ATG5: variants seen among roughly 807,000 people sequenced by gnomAD.
ATG5 encodes the protein autophagy related 5, also known as autophagy protein 5.
Under a neutral mutation model 36.5 loss-of-function variants are expected in ATG5, and 14 were observed. The observed-to-expected ratio is 0.38, with a 90% CI of 0.25 to 0.60. ATG5 has a LOEUF of 0.60. Ranked by LOEUF, ATG5 falls within the 20% of genes least tolerant of loss-of-function variation. The pLI, the probability that ATG5 is intolerant of heterozygous loss-of-function variation, is 0.60. For synonymous variants in ATG5, 95 were observed against 101.5 expected (o/e 0.94, Z 0.38); for missense variants, 195 against 326.7 (o/e 0.60, Z 3.11).
Position 106,272,235 on chromosome 6 carries a change from C to T in ATG5, c.478+7426G>A, listed in dbSNP as rs544170093. Among the ~76,000 whole-genome samples the T allele has an allele frequency of 6.6e-5, 10 of 152,292 alleles. No homozygotes were observed. The East Asian group carries it at 1.9e-3, about 29-fold the overall frequency. ...ATTTGCTTCTTTCTAATTCATTAAC[C>T]ATACTGCAGCCAAAGGGATGTCTTA... On this transcript the variant is annotated intron_variant, in intron 5 of 7. Coordinates refer to ENST00000369076, the MANE Select transcript of ATG5 (RefSeq NM_004849.4).
intron 7 of ATG5, among the ~76,000 whole-genome samples, chr6:106,193,080 C>T (rs986579111): frequency 1.3e-5 from 2 of 152,180 alleles, no homozygotes; most frequent in Non-Finnish European, 2.9e-5. Context: ...GACAGAAATG[C>T]TTCCTGGGGA....
chr6:106,215,745 G>T (rs1208059377), intron 6 of ATG5, among the ~76,000 whole-genome samples: 1 of 151,944 alleles, frequency 6.6e-6, no homozygotes, highest in South Asian at 2.1e-4. Context: ...AGCAACCAAA[G>T]AAAAAAACAG....
At chr6:106,229,559 T>TAA (rs199498497) in intron 6 of ATG5, among the ~76,000 whole-genome samples, 3 of 149,138 alleles carry the variant, frequency 2.0e-5, no homozygotes, top group East Asian at 2.0e-4. Flanking sequence ...ATAGAAATAG[T>TAA]AAAAAAAAAC....
At chr6:106,304,994 G>A (rs1770384181) in intron 3 of ATG5, among the ~76,000 whole-genome samples, 2 of 151,952 alleles carry the variant, frequency 1.3e-5, no homozygotes, top group African/African-American at 4.8e-5. Context: ...AGGAGGCTGA[G>A]GCAGGAGAAT....
intron 5 of ATG5, among the ~76,000 whole-genome samples, chr6:106,265,347 A>ATT (rs1379502297): frequency 2.6e-5 from 4 of 152,240 alleles, no homozygotes; most frequent in Non-Finnish European, 4.4e-5. Context: ...ATCCAGATTC[A>ATT]TAAAACAAGT....
intron 7 of ATG5, among the ~76,000 whole-genome samples, chr6:106,200,730 T>C (rs1211147200): frequency 1.3e-5 from 2 of 152,188 alleles, no homozygotes; most frequent in Non-Finnish European, 2.9e-5. Context: ...TCCACCCGCC[T>C]TGGCCTCCCA....
At chr6:106,314,174 T>G (rs1770756166) in intron 2 of ATG5, among the ~76,000 whole-genome samples, 1 of 152,218 alleles carries the variant, frequency 6.6e-6, no homozygotes, top group South Asian at 2.1e-4. Context: ...TCTTTTCCAA[T>G]TTAAACAGGT....
chr6:106,317,781 T>A (rs1582694675), intron 1 of ATG5, among the ~76,000 whole-genome samples: 1 of 152,326 alleles, frequency 6.6e-6, no homozygotes, highest in Admixed American at 6.5e-5. Flanking sequence ...CAAAATTAAC[T>A]CACTGAAAAT....
chr6:106,296,021 A>G (rs1424511302), intron 3 of ATG5, among the ~76,000 whole-genome samples: 5 of 152,296 alleles, frequency 3.3e-5, no homozygotes, highest in South Asian at 4.1e-4. Context: ...TGAACAAAGT[A>G]CATAATAAAC....
At chr6:106,269,215 AC>A (rs1779345502) in intron 5 of ATG5, among the ~76,000 whole-genome samples, 1 of 151,858 alleles carries the variant, frequency 6.6e-6, no homozygotes, top group African/African-American at 2.4e-5. Context: ...GCATTCACAA[AC>A]CCTGAGCTAG....
At chr6:106,186,794 T>G (rs1775788418) in intron 7 of ATG5, 118 bp from the exon 8 acceptor site, 2 of 1,202,620 alleles carry the variant, frequency 1.7e-6, no homozygotes, top group African/African-American at 1.5e-5. Flanking sequence ...TTTTGTCCCC[T>G]GAACAGGAAA....
intron 7 of ATG5, among the ~76,000 whole-genome samples, chr6:106,199,663 A>C (rs543925097): frequency 6.6e-6 from 1 of 152,350 alleles, no homozygotes; most frequent in African/African-American, 2.4e-5. Context: ...TCATTAAATT[A>C]TAAAAAAATT....
At chr6:106,291,996 C>A (rs546169633) in intron 4 of ATG5, among the ~76,000 whole-genome samples, 1 of 152,144 alleles carries the variant, frequency 6.6e-6, no homozygotes, top group Non-Finnish European at 1.5e-5. Context: ...GAATGAGCAA[C>A]CTTTGGGCAG....
At chr6:106,266,844 A>T (rs553656280) in intron 5 of ATG5, among the ~76,000 whole-genome samples, 5 of 152,222 alleles carry the variant, frequency 3.3e-5, no homozygotes, top group African/African-American at 7.2e-5. Flanking sequence ...TATTGATGGA[A>T]CATATCTCAA....
At chr6:106,223,188 C>G (rs1777314311) in intron 6 of ATG5, among the ~76,000 whole-genome samples, 1 of 152,148 alleles carries the variant, frequency 6.6e-6, no homozygotes, top group Non-Finnish European at 1.5e-5. Context: ...TAATACATAA[C>G]TTTTGCTCTC....
chr6:106,300,440 G>A (rs1003820848), intron 3 of ATG5, among the ~76,000 whole-genome samples: 3 of 152,116 alleles, frequency 2.0e-5, no homozygotes, highest in Non-Finnish European at 4.4e-5. Flanking sequence ...ATCACAAAGA[G>A]TATTAAATTC....
At chr6:106,282,237 ATCC>A (rs1779911967) in intron 4 of ATG5, among the ~76,000 whole-genome samples, 1 of 152,128 alleles carries the variant, frequency 6.6e-6, no homozygotes, top group Non-Finnish European at 1.5e-5. Flanking sequence ...ATTCCAGAAA[ATCC>A]TCCTTTCACT....
chr6:106,226,305 A>G (rs1777450840), intron 6 of ATG5, among the ~76,000 whole-genome samples: 1 of 152,232 alleles, frequency 6.6e-6, no homozygotes, highest in African/African-American at 2.4e-5. Context: ...CAGCAACAAC[A>G]AAAACAGACC....
intron 6 of ATG5, among the ~76,000 whole-genome samples, chr6:106,230,236 C>A (rs1777623121): frequency 6.6e-6 from 1 of 152,168 alleles, no homozygotes; most frequent in South Asian, 2.1e-4. Flanking sequence ...AACGTACTTA[C>A]CGAATCAAAA....
Sources: allele counts gnomAD v4.1 joint callset (sites outside exome capture counted in the v4.1 genomes callset), GRCh38; gene constraint gnomAD v4.1.1; transcripts MANE v1.5; gene names NCBI Gene and HGNC (gene_info 2026-07-23, HGNC 2026-07-21).